Variants in PLB1 observed in about 807,000 individuals in gnomAD.
PLB1 encodes phospholipase B1, membrane-associated.
Under a neutral mutation model 227.4 loss-of-function variants are expected in PLB1, and 242 were observed. That is an observed-to-expected ratio of 1.06 (90% CI 0.96 to 1.18). PLB1 has a LOEUF of 1.18. Ranked by LOEUF, PLB1 falls within the 50% of genes most tolerant of loss-of-function variation. PLB1 has a pLI of 0.00. For missense variants in PLB1, 1,858 were observed against 1,816.3 expected (o/e 1.02, Z -0.42); for synonymous variants, 757 against 682.2 (o/e 1.11, Z -1.71).
intron 1 of PLB1, among the ~76,000 whole-genome samples, chr2:28,506,564 A>G (rs1330852907): frequency 6.6e-6 from 1 of 152,216 alleles, no homozygotes; most frequent in Non-Finnish European, 1.5e-5. Flanking sequence ...AAATGATTGA[A>G]TCCAAATCTT....
intron 35 of PLB1, among the ~76,000 whole-genome samples, chr2:28,600,287 A>T (rs2148297702): frequency 6.6e-6 from 1 of 152,364 alleles, no homozygotes; most frequent in African/African-American, 2.4e-5. Context: ...CCATTTAGAT[A>T]AGTTTACAAA....
At chr2:28,639,256 A>G (rs1047049748) in intron 56 of PLB1, among the ~76,000 whole-genome samples, 1 of 152,134 alleles carries the variant, frequency 6.6e-6, no homozygotes, top group Non-Finnish European at 1.5e-5. Context: ...CAGAGAGCTA[A>G]GAGAAGTCAG....
chr2:28,562,425 C>A (rs1329216476), intron 17 of PLB1, among the ~76,000 whole-genome samples: 2 of 149,898 alleles, frequency 1.3e-5, no homozygotes, highest in Non-Finnish European at 1.5e-5. Flanking sequence ...ACCTGTATTC[C>A]CAGCTACTCA....
chr2:28,606,652 C>G lies in PLB1; in HGVS notation c.3129+85C>G, dbSNP rs984709810. ...CCCACTTCGTCCTCCACCACAGCTT[C>G]CTCAGTACCCATCTTGCCCCCTTAC... On this transcript the variant is annotated intron_variant, in intron 43 of 57. Coordinates refer to ENST00000327757, the MANE Select transcript of PLB1 (RefSeq NM_153021.5). The G allele has an allele frequency of 4.1e-6, 5 of 1,232,500 alleles. No individual in the cohort carries two copies. The African/African-American group carries it at 5.9e-5, about 15-fold the overall frequency. The allele number at this position is 1,232,500 out of a possible 1,614,324, so 76.3% of individuals were successfully genotyped here.
chr2:28,535,401 T>TC (rs1406095559), intron 9 of PLB1, among the ~76,000 whole-genome samples: 2 of 152,212 alleles, frequency 1.3e-5, no homozygotes, highest in East Asian at 3.8e-4. Context: ...GCCCTGTGGC[T>TC]CCTAGGCCTG....
intron 33 of PLB1, among the ~76,000 whole-genome samples, chr2:28,597,636 G>A (rs1052847404): frequency 6.6e-6 from 1 of 152,174 alleles, no homozygotes; most frequent in Non-Finnish European, 1.5e-5. Flanking sequence ...ATTAACCTCT[G>A]TGCACCTCAT....
chr2:28,578,324 G>A (rs1174961166), intron 22 of PLB1, among the ~76,000 whole-genome samples, 166 bp downstream of exon 22: 1 of 152,174 alleles, frequency 6.6e-6, no homozygotes. Flanking sequence ...TCAGTCAGTT[G>A]GCTGTTGAAA....
intron 5 of PLB1, 102 bp from the exon 6 acceptor site, chr2:28,525,803 T>G: frequency 1.4e-6 from 2 of 1,424,528 alleles, no homozygotes; most frequent in Non-Finnish European, 9.7e-7. Context: ...AGAGCAAGGC[T>G]AGGCCAAAGA....
rs537063526 is a variant in PLB1, at chr2:28,597,815, G to A, written c.2322-190G>A. 2.0e-3 allele frequency among the ~76,000 whole-genome samples: 309 copies of A among 152,210 alleles called. 1 individual carries two copies. Among genetic ancestry groups the A allele is most frequent in the Middle Eastern group, 3.4e-3 (1 of 294 alleles). On this transcript the variant is annotated intron_variant, in intron 33 of 57. Transcript: ENST00000327757. ...TCTCTCATCTTCAAATCCTGGATTCGGTAGGGAACCAATATGTTAGGGGCT... is the reference window on the plus strand; with the variant it reads ...TCTCTCATCTTCAAATCCTGGATTCAGTAGGGAACCAATATGTTAGGGGCT...
At chr2:28,525,237 C>T in intron 4 of PLB1, 30 bp from the exon 5 acceptor site, 1 of 1,610,198 alleles carries the variant, frequency 6.2e-7, no homozygotes, top group South Asian at 1.1e-5. Context: ...CCTCCCCTGG[C>T]TGGGTGTTAA....
chr2:28,585,583 T>G, intron 25 of PLB1, 178 bp from the exon 26 acceptor site: 1 of 589,304 alleles, frequency 1.7e-6, no homozygotes, highest in Non-Finnish European at 3.1e-6. Flanking sequence ...GGCCTGGAAA[T>G]CTTCTTTAGC....
chr2:28,537,755 G>A (rs1185270211), intron 9 of PLB1, among the ~76,000 whole-genome samples: 1 of 151,606 alleles, frequency 6.6e-6, no homozygotes, highest in Non-Finnish European at 1.5e-5. Flanking sequence ...AGTGGTGTGT[G>A]TGTTGGGTGC....
At chr2:28,536,073 C>T (rs577781940) in intron 9 of PLB1, among the ~76,000 whole-genome samples, 2 of 152,308 alleles carry the variant, frequency 1.3e-5, no homozygotes, top group South Asian at 4.1e-4. Context: ...ACGAGAAAAA[C>T]ATGTTTTACC....
chr2:28,617,638 A>T, intron 44 of PLB1, 89 bp from the exon 45 acceptor site: 1 of 1,321,916 alleles, frequency 7.6e-7, no homozygotes, highest in South Asian at 1.2e-5. Context: ...GCCTCCATCA[A>T]AAATCCCTTA....
chr2:28,551,408 G>A (rs957988636), intron 16 of PLB1, among the ~76,000 whole-genome samples: 5 of 152,256 alleles, frequency 3.3e-5, no homozygotes, highest in African/African-American at 1.2e-4. Context: ...AGGGGGGACT[G>A]AGGTGAGCTG....
chr2:28,583,710 C>T (rs939523290), intron 25 of PLB1, among the ~76,000 whole-genome samples: 24 of 152,182 alleles, frequency 1.6e-4, no homozygotes, highest in Non-Finnish European at 3.2e-4. Flanking sequence ...ATGTGCAGGC[C>T]GGATGCTCCA....
chr2:28,546,147 C>T (rs575878151), intron 14 of PLB1, among the ~76,000 whole-genome samples: 9 of 152,326 alleles, frequency 5.9e-5, no homozygotes, highest in African/African-American at 1.9e-4. Flanking sequence ...CAGGCTGAAG[C>T]TTGCACTCCT....
rs776146695 is a variant in PLB1 at position 28,605,870 on chromosome 2, G to A, written c.2979G>A (p.Thr993=). Residue 993 remains threonine (T), a synonymous_variant, in exon 42 of 58, where the codon ACG becomes ACA. Coordinates refer to ENST00000327757, the MANE Select transcript of PLB1 (RefSeq NM_153021.5). Reference sequence around the variant, plus strand: ...TCTTTCAGGATGGGCTCCCAGATACGTCCTTCTTTGCCCCAGACTGCATCC... The same window carrying A: ...TCTTTCAGGATGGGCTCCCAGATACATCCTTCTTTGCCCCAGACTGCATCC... ...LPVLADGLPD[T]SFFAPDCIHP... 2.4e-5 allele frequency: 39 copies of A among 1,613,438 alleles called. No homozygotes were observed. Among genetic ancestry groups the A allele is most frequent in the East Asian group, 1.8e-4 (8 of 44,880 alleles).
At chr2:28,555,644 T>C (rs754480498) in intron 17 of PLB1, among the ~76,000 whole-genome samples, 14 of 152,216 alleles carry the variant, frequency 9.2e-5, no homozygotes, top group Non-Finnish European at 1.0e-4. Flanking sequence ...GATCATCTTA[T>C]CTTTATACCT....
Sources: gnomAD v4.1 joint callset for allele counts (sites outside exome capture counted in the v4.1 genomes callset) on GRCh38, gnomAD v4.1.1 for gene constraint, MANE v1.5 for transcripts, NCBI Gene and HGNC (gene_info 2026-07-23, HGNC 2026-07-21) for gene names.